Variants in PHLPP1 observed in about 807,000 individuals in gnomAD.
The protein encoded by PHLPP1 is PH domain leucine-rich repeat-containing protein phosphatase 1.
Under a neutral mutation model 117.2 loss-of-function variants are expected in PHLPP1, and 42 were observed. The ratio of observed to expected loss-of-function variants is 0.36; its 90% CI spans 0.28 to 0.46. The LOEUF is 0.46. Ranked by LOEUF, PHLPP1 falls within the 20% of genes least tolerant of loss-of-function variation. The pLI is 1.00. For missense variants in PHLPP1, 2,084 were observed against 2,241.9 expected (o/e 0.93, Z 1.42); for synonymous variants, 1,042 against 970.7 (o/e 1.07, Z -1.37).
At chr18:62,861,898 G>A (rs939493001) in intron 4 of PHLPP1, among the ~76,000 whole-genome samples, 3 of 152,052 alleles carry the variant, frequency 2.0e-5, no homozygotes, top group Non-Finnish European at 2.9e-5. Flanking sequence ...ATTCTTTAAC[G>A]GTAAGATCCA....
rs575358284 is a variant in PHLPP1, at chr18:62,789,097, G to T, written c.1577-40938G>T. ...GGCTTTGTGTCAAGGCAATAAACCAGGCAGGGAGAACCACACTGATGTCAG... is the reference window on the plus strand; with the variant it reads ...GGCTTTGTGTCAAGGCAATAAACCATGCAGGGAGAACCACACTGATGTCAG... On this transcript the variant is annotated intron_variant, in intron 1 of 16. Coordinates refer to ENST00000262719, the MANE Select transcript of PHLPP1 (RefSeq NM_194449.4). Among the ~76,000 whole-genome samples, 234 of 152,298 alleles carry T rather than the reference G, an allele frequency of 1.5e-3. 1 individual carries two copies. Among genetic ancestry groups the T allele is most frequent in the African/African-American group, 5.4e-3 (226 of 41,560 alleles).
Position 62,836,478 on chromosome 18 carries a change from AATAAATAAAAAT to A in PHLPP1, c.1774-2304_1774-2293del, listed in dbSNP as rs1183937908. On this transcript the variant is annotated intron_variant, in intron 2 of 16. Transcript: ENST00000262719. ...AAATAAATAAATAAATAAATAAATA[AATAAATAAAAAT>A]AAATTACTGGATTTTGATGCAACAT... Among the ~76,000 whole-genome samples the A allele has an allele frequency of 8.6e-5, 10 of 116,428 alleles. No homozygotes were observed. The East Asian group carries it at 2.0e-3, about 23-fold the overall frequency. The allele number at this position is 116,428 out of a possible 152,430, so 76.4% of individuals were successfully genotyped here.
intron 12 of PHLPP1, 76 bp downstream of exon 12, chr18:62,945,347 A>G (rs962165982): frequency 3.3e-6 from 4 of 1,216,486 alleles, no homozygotes; most frequent in Non-Finnish European, 4.5e-6. Context: ...TCAACTCAGG[A>G]CGTTTGCATC....
At chr18:62,721,358 A>T (rs1283509161) in intron 1 of PHLPP1, among the ~76,000 whole-genome samples, 2 of 152,100 alleles carry the variant, frequency 1.3e-5, no homozygotes, top group Non-Finnish European at 2.9e-5. Context: ...TATTTGTTAA[A>T]CTGTAAATCT....
chr18:62,718,580 A>G (rs1017097524), intron 1 of PHLPP1, among the ~76,000 whole-genome samples: 1 of 152,234 alleles, frequency 6.6e-6, no homozygotes, highest in Non-Finnish European at 1.5e-5. Context: ...AAATCGTAAT[A>G]CAGTAGCATT....
chr18:62,975,675 G>C (rs766577256), intron 16 of PHLPP1, 50 bp downstream of exon 16: 50 of 1,254,536 alleles, frequency 4.0e-5, no homozygotes, highest in Non-Finnish European at 5.8e-6. Context: ...GAGGAGAGGA[G>C]ACCAGGTCAT....
intron 8 of PHLPP1, chr18:62,906,278 A>T (rs528762819): frequency 5.9e-5 from 9 of 152,620 alleles, no homozygotes; most frequent in African/African-American, 2.2e-4. Context: ...AAAATATTAC[A>T]GTTAAATTTT....
intron 1 of PHLPP1, among the ~76,000 whole-genome samples, chr18:62,755,213 G>A (rs374128885): frequency 6.6e-6 from 1 of 151,854 alleles, no homozygotes; most frequent in Non-Finnish European, 1.5e-5. Context: ...GTGCAGATAC[G>A]TGAAAGTTGA....
chr18:62,739,722 GGTC>G (rs1911468543), intron 1 of PHLPP1, among the ~76,000 whole-genome samples: 1 of 152,038 alleles, frequency 6.6e-6, no homozygotes, highest in Admixed American at 6.6e-5. Flanking sequence ...GTGGGAAGAG[GGTC>G]GTCTGTTTCC....
At chr18:62,740,680 A>G (rs553478153) in intron 1 of PHLPP1, among the ~76,000 whole-genome samples, 1 of 152,340 alleles carries the variant, frequency 6.6e-6, no homozygotes, top group African/African-American at 2.4e-5. Context: ...TTTTCTTAAG[A>G]ACATAATTAT....
intron 6 of PHLPP1, 106 bp downstream of exon 6, chr18:62,896,117 G>GC: frequency 1.5e-6 from 1 of 665,140 alleles, no homozygotes; most frequent in Non-Finnish European, 2.6e-6. Context: ...TTGAATGTGG[G>GC]CCCGTTTTTC....
At chr18:62,802,763 C>T (rs1430964606) in intron 1 of PHLPP1, among the ~76,000 whole-genome samples, 1 of 151,340 alleles carries the variant, frequency 6.6e-6, no homozygotes, top group Admixed American at 6.6e-5. Context: ...GTGGAACTTA[C>T]TTGGGCAAAT....
At chr18:62,875,021 C>G (rs1255490065) in intron 4 of PHLPP1, among the ~76,000 whole-genome samples, 2 of 152,214 alleles carry the variant, frequency 1.3e-5, no homozygotes, top group Non-Finnish European at 2.9e-5. Flanking sequence ...GTGGCGCGAT[C>G]TTGGCTCACT....
chr18:62,920,299 T>C (rs985713163), intron 10 of PHLPP1, among the ~76,000 whole-genome samples, 185 bp downstream of exon 10: 1 of 152,172 alleles, frequency 6.6e-6, no homozygotes. Flanking sequence ...GAGCAACCTA[T>C]AGATTCTTTA....
At chr18:62,936,915 A>T (rs1909986375) in intron 10 of PHLPP1, among the ~76,000 whole-genome samples, 1 of 152,234 alleles carries the variant, frequency 6.6e-6, no homozygotes, top group South Asian at 2.1e-4. Flanking sequence ...TGGAATGTTT[A>T]CACTTCTGGA....
chr18:62,969,706 C>T (rs1049016446), intron 14 of PHLPP1, among the ~76,000 whole-genome samples: 1 of 152,194 alleles, frequency 6.6e-6, no homozygotes, highest in South Asian at 2.1e-4. Flanking sequence ...GAACTGACCC[C>T]TTTATCATTA....
chr18:62,925,579 G>A (rs1464707038), intron 10 of PHLPP1, among the ~76,000 whole-genome samples: 1 of 150,652 alleles, frequency 6.6e-6, no homozygotes, highest in African/African-American at 2.5e-5. Context: ...GAGCATGATC[G>A]ATTGACCATG....
At chr18:62,975,913 A>G (rs573555515) in intron 16 of PHLPP1, among the ~76,000 whole-genome samples, 5 of 152,196 alleles carry the variant, frequency 3.3e-5, no homozygotes, top group African/African-American at 1.2e-4. Flanking sequence ...TGAGGGCTCT[A>G]CCCCTGACAT....
At chr18:62,812,715 C>G (rs1364655381) in intron 1 of PHLPP1, among the ~76,000 whole-genome samples, 1 of 150,480 alleles carries the variant, frequency 6.6e-6, no homozygotes, top group Non-Finnish European at 1.5e-5. Flanking sequence ...GTGCCTGTGA[C>G]CTTTTTTTTT....
Sources: gnomAD v4.1 joint callset for allele counts (sites outside exome capture counted in the v4.1 genomes callset) on GRCh38, gnomAD v4.1.1 for gene constraint, MANE v1.5 for transcripts, NCBI Gene and HGNC (gene_info 2026-07-23, HGNC 2026-07-21) for gene names.